The following MYH15 variants were observed in gnomAD, a reference collection of about 807,000 sequenced individuals.
MYH15 encodes myosin-15.
A neutral mutation model predicts 240.5 loss-of-function variants in MYH15; 227 were observed. The observed-to-expected ratio is 0.94, with a 90% CI of 0.85 to 1.05. The LOEUF (loss-of-function observed/expected upper bound fraction) is 1.05, where lower values mean the gene tolerates loss of function less well. Among genes scored for constraint, MYH15 ranks in the 50% least tolerant of loss-of-function variants. The probability of loss-of-function intolerance (pLI) is 0.00; values close to 1 mark genes in which losing one functional copy is unlikely to be tolerated. For synonymous variants in MYH15, 785 were observed against 796.7 expected, an observed-to-expected ratio of 0.99 and a Z score of 0.25; for missense variants, 2,217 against 2,247.5, an observed-to-expected ratio of 0.99 and a Z score of 0.27.
At chr3:108,538,326 T>G in the MYH15 span, among the ~76,000 whole-genome samples, 1 of 152,312 alleles carries the variant, frequency 6.6e-6, no homozygotes, top group African/African-American at 2.4e-5. Flanking sequence ...GAAACTCTAA[T>G]CCAGCAGAAC....
intron 25 of MYH15, among the ~76,000 whole-genome samples, chr3:108,431,545 A>G (rs775895518): frequency 2.3e-4 from 35 of 152,208 alleles, no homozygotes; most frequent in Non-Finnish European, 4.7e-4. Context: ...CCCCAGCCAC[A>G]TGGAACTGTA....
intron 35 of MYH15, among the ~76,000 whole-genome samples, 195 bp from the exon 36 acceptor site, chr3:108,394,351 A>G (rs958044626): frequency 1.3e-5 from 2 of 152,218 alleles, no homozygotes; most frequent in Admixed American, 1.3e-4. Context: ...GATTTCACCC[A>G]TTAGAAGTTC....
At chr3:108,398,560 C>T in intron 35 of MYH15, 77 bp downstream of exon 35, 6 of 1,454,884 alleles carry the variant, frequency 4.1e-6, no homozygotes, top group Non-Finnish European at 4.8e-6. Flanking sequence ...TGTGCATGGT[C>T]CAAGGCCGCC....
chr3:108,392,055 C>G, intron 36 of MYH15, 125 bp from the exon 37 acceptor site: 1 of 1,045,500 alleles, frequency 9.6e-7, no homozygotes, highest in African/African-American at 1.6e-5. Context: ...GTGATCTCTT[C>G]CCATTATAAT....
intron 24 of MYH15, 37 bp from the exon 25 acceptor site, chr3:108,437,736 G>A: frequency 6.3e-7 from 1 of 1,593,502 alleles, no homozygotes; most frequent in South Asian, 1.2e-5. Flanking sequence ...AAATAAATAG[G>A]TAGAGTTTAT....
chr3:108,391,635 G>T, intron 37 of MYH15, 125 bp downstream of exon 37: 1 of 1,037,386 alleles, frequency 9.6e-7, no homozygotes, highest in Non-Finnish European at 1.4e-6. Context: ...TTAAATATCT[G>T]AAAGTACTAA....
intron 1 of MYH15, among the ~76,000 whole-genome samples, chr3:108,516,352 T>C (rs1027543426): frequency 1.3e-5 from 2 of 152,200 alleles, no homozygotes; most frequent in Admixed American, 6.5e-5. Flanking sequence ...TCTTCCATTA[T>C]TAAAATTGGA....
At chr3:108,541,451 C>A in the MYH15 span, among the ~76,000 whole-genome samples, 1 of 150,396 alleles carries the variant, frequency 6.6e-6, no homozygotes, top group Non-Finnish European at 1.5e-5. Context: ...TCATCAGGAA[C>A]CCAGTTAAAA....
the MYH15 span, among the ~76,000 whole-genome samples, chr3:108,537,811 A>C: frequency 6.6e-6 from 1 of 152,228 alleles, no homozygotes; most frequent in African/African-American, 2.4e-5. Flanking sequence ...ACGGGGAAAA[A>C]CAAAGAAAAA....
At chr3:108,421,475 A>G (rs1035533047) in intron 27 of MYH15, among the ~76,000 whole-genome samples, 4 of 152,242 alleles carry the variant, frequency 2.6e-5, no homozygotes, top group Non-Finnish European at 4.4e-5. Flanking sequence ...GATCCTTTCT[A>G]GAATTATTTA....
chr3:108,537,529 G>T, the MYH15 span, among the ~76,000 whole-genome samples: 2 of 152,198 alleles, frequency 1.3e-5, no homozygotes. Context: ...AGAGGCTAGA[G>T]GGAACTAGCT....
chr3:108,495,220 TA>T (rs2083381360), intron 7 of MYH15, among the ~76,000 whole-genome samples: 1 of 152,218 alleles, frequency 6.6e-6, no homozygotes, highest in Admixed American at 6.5e-5. Context: ...TTTGTTAAAC[TA>T]GGTTTAGAAA....
chr3:108,486,237 T>C (rs939181471), intron 10 of MYH15, among the ~76,000 whole-genome samples, 186 bp downstream of exon 10: 2 of 152,236 alleles, frequency 1.3e-5, no homozygotes, highest in African/African-American at 2.4e-5. Flanking sequence ...TTTCATAGCT[T>C]CCAAAGTTAC....
chr3:108,501,854 C>T lies in MYH15; in HGVS notation c.197G>A (p.Ser66Asn). The T allele has an allele frequency of 1.2e-6, 2 of 1,613,800 alleles. No individual in the cohort carries two copies. Among genetic ancestry groups the T allele is most frequent in the Non-Finnish European group, 1.7e-6 (2 of 1,179,720 alleles). Reference sequence around the variant, plus strand: ...GATTTTGTCCTCCTTTATGCTCAGACTCTGCAGAGAGAAGAAAAATATATG... The same window carrying T: ...GATTTTGTCCTCCTTTATGCTCAGATTCTGCAGAGAGAAGAAAAATATATG... ...TVIVETADGE[S>N]LSIKEDKIQQ... is the part of the protein sequence containing the mutation. Residue 66 changes from serine (S) to asparagine (N), a missense_variant and splice_region_variant, in exon 3 of 41, where the codon AGT becomes AAT. Ser to Asn is a conservative substitution (Grantham distance 46, BLOSUM62 1). Coordinates refer to ENST00000693548, the MANE Select transcript of MYH15 (RefSeq NM_014981.3).
At chr3:108,393,477 G>T (rs1174032205) in intron 36 of MYH15, among the ~76,000 whole-genome samples, 2 of 152,220 alleles carry the variant, frequency 1.3e-5, no homozygotes, top group African/African-American at 2.4e-5. Flanking sequence ...GTGCGCCAAA[G>T]CTGGCAGCCA....
chr3:108,547,150 T>C, the MYH15 span, among the ~76,000 whole-genome samples: 1 of 152,014 alleles, frequency 6.6e-6, no homozygotes, highest in Non-Finnish European at 1.5e-5. Context: ...CCGAGGGACA[T>C]GTCACCACAC....
chr3:108,542,904 G>T, the MYH15 span, among the ~76,000 whole-genome samples: 2 of 128,472 alleles, frequency 1.6e-5, no homozygotes, highest in African/African-American at 3.0e-5. Flanking sequence ...TTTTTGAGAT[G>T]GAGTCTTGCT....
chr3:108,533,968 C>T (rs529569807), upstream of MYH15, among the ~76,000 whole-genome samples: 1 of 152,166 alleles, frequency 6.6e-6, no homozygotes, highest in Non-Finnish European at 1.5e-5. Flanking sequence ...AATGTATAAC[C>T]AAGTAGATCT....
At chr3:108,389,287 T>C (rs1413024128) in intron 37 of MYH15, among the ~76,000 whole-genome samples, 1 of 152,218 alleles carries the variant, frequency 6.6e-6, no homozygotes, top group African/African-American at 2.4e-5. Flanking sequence ...GACTGAAATA[T>C]GTGAAAGGCT....
Sources: gnomAD v4.1 joint callset for allele counts (sites outside exome capture counted in the v4.1 genomes callset) on GRCh38, gnomAD v4.1.1 for gene constraint, MANE v1.5 for transcripts, NCBI Gene and HGNC (gene_info 2026-07-23, HGNC 2026-07-21) for gene names.